MBNL2: variants seen among roughly 807,000 people sequenced by gnomAD.
MBNL2 encodes the protein muscleblind-like protein 2.
MBNL2 carries 17 observed loss-of-function variants against 41.9 expected under a neutral mutation model. That is an observed-to-expected ratio of 0.41 (90% CI 0.28 to 0.61). The LOEUF is 0.61. Among genes scored for constraint, MBNL2 ranks in the 20% least tolerant of loss-of-function variants. The pLI is 0.35. For missense variants in MBNL2, 336 were observed against 505.6 expected (o/e 0.66, Z 3.22); for synonymous variants, 195 against 182.9 (o/e 1.07, Z -0.53).
At chr13:97,237,504 T>C (rs2152802492) in intron 1 of MBNL2, among the ~76,000 whole-genome samples, 1 of 152,312 alleles carries the variant, frequency 6.6e-6, no homozygotes, top group Non-Finnish European at 1.5e-5. Context: ...TAAATCACCA[T>C]GGTGAAGGTA....
chr13:97,289,425 T>C (rs937635013), intron 2 of MBNL2, among the ~76,000 whole-genome samples: 7 of 152,174 alleles, frequency 4.6e-5, no homozygotes, highest in African/African-American at 2.4e-5. Flanking sequence ...GCAGCCCTCA[T>C]TGGAGGCATT....
chr13:97,154,841 A>G, the MBNL2 span, among the ~76,000 whole-genome samples: 17 of 124,432 alleles, frequency 1.4e-4, no homozygotes, highest in South Asian at 2.7e-4. Flanking sequence ...ATGGATGGAT[A>G]GACAAGCTGA....
the MBNL2 span, among the ~76,000 whole-genome samples, chr13:97,152,336 TAA>T: frequency 6.6e-6 from 1 of 151,792 alleles, no homozygotes; most frequent in Non-Finnish European, 1.5e-5. Flanking sequence ...AATCAAATGA[TAA>T]GAGTTTCATA....
rs763407208 is a variant in MBNL2, at chr13:97,291,900, C to CAAAAAAAAAAAAAAAAAAAAAA, written c.174+15508_174+15509insAAAAAAAAAAAAAAAAAAAAAA. On this transcript the variant is annotated intron_variant, in intron 2 of 8. Transcript: ENST00000679496. ...ACAGAGCGAGACTCCGTCTCCGTCT[C>CAAAAAAAAAAAAAAAAAAAAAA]AAAAAAAAAAAAAAAAAGTGGGCTG... 1.3e-4 allele frequency among the ~76,000 whole-genome samples: 5 copies of CAAAAAAAAAAAAAAAAAAAAAA among 37,818 alleles called. 1 individual carries two copies. Among genetic ancestry groups the CAAAAAAAAAAAAAAAAAAAAAA allele is most frequent in the African/African-American group, 2.3e-4 (1 of 4,274 alleles). 24.8% of individuals were successfully genotyped at this position (37,818 alleles called of 152,430 possible). A position where few individuals can be genotyped will look rare whatever the true frequency, so the allele number is the denominator to read the frequency against.
intron 8 of MBNL2, among the ~76,000 whole-genome samples, chr13:97,382,168 C>G (rs1250115650): frequency 1.3e-5 from 2 of 152,118 alleles, no homozygotes; most frequent in African/African-American, 4.8e-5. Flanking sequence ...ACATACAGTC[C>G]CTAATTTTAA....
intron 2 of MBNL2, among the ~76,000 whole-genome samples, chr13:97,321,019 T>C (rs953875670): frequency 1.3e-5 from 2 of 152,172 alleles, no homozygotes; most frequent in African/African-American, 4.8e-5. Context: ...AGGACACCAG[T>C]CATACTGGAT....
chr13:97,271,876 A>G (rs779440071), intron 1 of MBNL2, among the ~76,000 whole-genome samples: 19 of 152,306 alleles, frequency 1.2e-4, no homozygotes, highest in Admixed American at 8.5e-4. Flanking sequence ...TAGTGCTGCA[A>G]TAAACATAGG....
At chr13:97,218,860 C>T (rs929582027), upstream of MBNL2, among the ~76,000 whole-genome samples, 5 of 151,454 alleles carry the variant, frequency 3.3e-5, no homozygotes, top group East Asian at 9.6e-4. Context: ...ACATGTGTTA[C>T]GGAGCGCCTC....
intron 2 of MBNL2, among the ~76,000 whole-genome samples, chr13:97,318,827 G>C (rs1027838243): frequency 2.6e-5 from 4 of 152,220 alleles, no homozygotes; most frequent in African/African-American, 9.6e-5. Flanking sequence ...AGAGACCCCA[G>C]GGTCTGAAGT....
At chr13:97,158,527 G>T in the MBNL2 span, among the ~76,000 whole-genome samples, 1 of 151,420 alleles carries the variant, frequency 6.6e-6, no homozygotes, top group South Asian at 2.1e-4. Context: ...TCTCTTGTGG[G>T]CATTTAGTGC....
intron 1 of MBNL2, among the ~76,000 whole-genome samples, chr13:97,235,027 C>G (rs1469819374): frequency 6.6e-6 from 1 of 152,162 alleles, no homozygotes; most frequent in African/African-American, 2.4e-5. Flanking sequence ...TCCCTCAGTT[C>G]CGCCCAGGCC....
intron 3 of MBNL2, among the ~76,000 whole-genome samples, chr13:97,339,830 T>C (rs2061279901): frequency 6.8e-6 from 1 of 146,694 alleles, no homozygotes; most frequent in Admixed American, 7.0e-5. Context: ...AAACGCTCTC[T>C]GCATTCTCTC....
chr13:97,382,990 T>C (rs1248305774), intron 8 of MBNL2, among the ~76,000 whole-genome samples: 2 of 152,200 alleles, frequency 1.3e-5, no homozygotes, highest in African/African-American at 4.8e-5. Flanking sequence ...GAATATGTCT[T>C]TGCTTAAAAC....
intron 8 of MBNL2, among the ~76,000 whole-genome samples, chr13:97,374,975 G>A (rs9584565): frequency 0.11 from 17,002 of 152,144 alleles, 995 homozygotes; most frequent in East Asian, 0.18. Context: ...GTTGCTGTGA[G>A]CGGAATGGAA....
At chr13:97,258,836 G>A (rs913380959) in intron 1 of MBNL2, among the ~76,000 whole-genome samples, 2 of 152,220 alleles carry the variant, frequency 1.3e-5, no homozygotes, top group African/African-American at 2.4e-5. Context: ...TTAGGAAGGA[G>A]ACCTGTGGCC....
chr13:97,171,799 T>C, the MBNL2 span, among the ~76,000 whole-genome samples: 1 of 152,140 alleles, frequency 6.6e-6, no homozygotes, highest in Admixed American at 6.5e-5. Context: ...TTCCCATGTG[T>C]TATGGGAGAT....
chr13:97,186,879 A>G, the MBNL2 span, among the ~76,000 whole-genome samples: 1 of 152,174 alleles, frequency 6.6e-6, no homozygotes. Flanking sequence ...TTCACACGTG[A>G]CACCTCCAGT....
intron 2 of MBNL2, among the ~76,000 whole-genome samples, chr13:97,310,557 G>A (rs111521705): frequency 0.02 from 2,982 of 151,906 alleles, 52 homozygotes; most frequent in Middle Eastern, 0.058. Flanking sequence ...AGCCTCCTGA[G>A]TAGCTGGGAC....
chr13:97,308,316 T>C (rs1248982124), intron 2 of MBNL2, among the ~76,000 whole-genome samples: 1 of 152,210 alleles, frequency 6.6e-6, no homozygotes, highest in African/African-American at 2.4e-5. Flanking sequence ...CTACCAGCTG[T>C]CATGTAAGGG....
Sources: allele counts gnomAD v4.1 joint callset (sites outside exome capture counted in the v4.1 genomes callset), GRCh38; gene constraint gnomAD v4.1.1; transcripts MANE v1.5; gene names NCBI Gene and HGNC (gene_info 2026-07-23, HGNC 2026-07-21).